ANK3: variants seen among roughly 807,000 people sequenced by gnomAD.
ANK3 encodes ankyrin-3.
Under a neutral mutation model 370.9 loss-of-function variants are expected in ANK3, and 57 were observed. The ratio of observed to expected loss-of-function variants is 0.15; its 90% CI spans 0.12 to 0.19. The LOEUF (loss-of-function observed/expected upper bound fraction) is 0.19, where lower values mean the gene tolerates loss of function less well. Among genes scored for constraint, ANK3 ranks in the 10% least tolerant of loss-of-function variants. The probability of loss-of-function intolerance (pLI) is 1.00; values close to 1 mark genes in which losing one functional copy is unlikely to be tolerated. For missense variants in ANK3, 4,439 were observed against 5,302.1 expected (o/e 0.84, Z 5.06); for synonymous variants, 1,929 against 1,946.3 (o/e 0.99, Z 0.23).
intron 42 of ANK3, among the ~76,000 whole-genome samples, chr10:60,045,082 AT>A (rs2076725181): frequency 6.6e-6 from 1 of 152,166 alleles, no homozygotes; most frequent in African/African-American, 2.4e-5. Flanking sequence ...TTGTTTCGTA[AT>A]AAAAAAAAAT....
chr10:60,604,999 C>T (rs775895221), intron 2 of ANK3, among the ~76,000 whole-genome samples: 1 of 152,158 alleles, frequency 6.6e-6, no homozygotes, highest in Non-Finnish European at 1.5e-5. Flanking sequence ...TTAAGTTTTG[C>T]TGCCTTAAAT....
chr10:60,395,589 T>C lies in ANK3; in HGVS notation c.97-115950A>G, dbSNP rs192698447. Among the ~76,000 whole-genome samples the C allele has an allele frequency of 2.0e-4, 25 of 126,278 alleles. No individual in the cohort carries two copies. The East Asian group carries it at 5.1e-3, about 26-fold the overall frequency. 82.8% of individuals were successfully genotyped at this position (126,278 alleles called of 152,430 possible). A position where few individuals can be genotyped will look rare whatever the true frequency, so the allele number is the denominator to read the frequency against. On this transcript the variant is annotated intron_variant, in intron 2 of 43. Coordinates refer to the ANK3 transcript ENST00000373827. ...CTTTCTTTCTTTCTTTCTTTCTTTC[T>C]TTCTTTCTTTCTTTCTTTCTCTCTT...
At chr10:60,528,324 C>T (rs545758260) in intron 2 of ANK3, among the ~76,000 whole-genome samples, 12 of 151,780 alleles carry the variant, frequency 7.9e-5, no homozygotes, top group East Asian at 2.0e-4. Flanking sequence ...TTAGTAGAGA[C>T]GGTGTTTCTC....
intron 2 of ANK3, among the ~76,000 whole-genome samples, chr10:60,405,170 T>C (rs949797080): frequency 6.6e-6 from 1 of 152,084 alleles, no homozygotes; most frequent in Non-Finnish European, 1.5e-5. Flanking sequence ...CAATTCCACA[T>C]CTAGATGTTT....
chr10:60,069,585 T>C lies in ANK3; in HGVS notation c.11296A>G (p.Thr3766Ala), dbSNP rs774953499. The change falls in exon 37 of 44, where the codon ACA (threonine) becomes GCA (alanine). Residue 3766 changes from threonine (T) to alanine (A), a missense_variant. This residue lies in a region of ANK3 where 496 missense variants were observed against 529.3 expected (regional missense o/e 0.94). Coordinates refer to ENST00000280772, the MANE Select transcript of ANK3 (RefSeq NM_020987.5). ...CTAACGCCCATCTGGCTATTGGCTGTATTTGAAATCATTGTTATAGTTTCA... is the reference window on the plus strand; with the variant it reads ...CTAACGCCCATCTGGCTATTGGCTGCATTTGAAATCATTGTTATAGTTTCA... Reference protein sequence around the residue: ...ENETITMISNTANSQMGVRPH... With the variant: ...ENETITMISNAANSQMGVRPH... 1.2e-6 allele frequency: 2 copies of C among 1,613,508 alleles called. No homozygotes were observed. The highest frequency in any genetic ancestry group is 1.7e-6 in the Non-Finnish European group (2 of 1,179,946).
At chr10:60,220,456 G>C (rs1040858146) in intron 8 of ANK3, among the ~76,000 whole-genome samples, 1 of 152,110 alleles carries the variant, frequency 6.6e-6, no homozygotes, top group Non-Finnish European at 1.5e-5. Flanking sequence ...TGATAGAACA[G>C]ACTCTTTAAA....
At chr10:60,391,893 GC>G (rs1434207587), upstream of ANK3, among the ~76,000 whole-genome samples, 2 of 152,040 alleles carry the variant, frequency 1.3e-5, no homozygotes, top group Non-Finnish European at 2.9e-5. Flanking sequence ...CTTTTTTGTT[GC>G]CTTGGATTTT....
Position 60,131,783 on chromosome 10 carries a change from A to G in ANK3, c.2841+2488T>C, listed in dbSNP as rs912830389. On this transcript the variant is annotated intron_variant, in intron 25 of 43. Transcript: ENST00000280772. ...CTATGGTGGTAATAGTGGTGGTGGTAGCAGTGGTGGAGGTGACAGTGATGA... is the reference window on the plus strand; with the variant it reads ...CTATGGTGGTAATAGTGGTGGTGGTGGCAGTGGTGGAGGTGACAGTGATGA... Among the ~76,000 whole-genome samples the G allele has an allele frequency of 1.5e-4, 23 of 152,276 alleles. No individual in the cohort carries two copies. In the East Asian group the frequency reaches 4.1e-3, roughly 27 times the overall value.
intron 12 of ANK3, among the ~76,000 whole-genome samples, chr10:60,201,971 T>C (rs2096684898): frequency 6.6e-6 from 1 of 152,048 alleles, no homozygotes; most frequent in Non-Finnish European, 1.5e-5. Flanking sequence ...CATCTCGGCC[T>C]CCCAAAGTGC....
At chr10:60,254,152 CAATAT>C (rs2097704541) in intron 7 of ANK3, among the ~76,000 whole-genome samples, 1 of 151,924 alleles carries the variant, frequency 6.6e-6, no homozygotes, top group Non-Finnish European at 1.5e-5. Flanking sequence ...ATGACTAATA[CAATAT>C]AAAAGTCATG....
intron 25 of ANK3, among the ~76,000 whole-genome samples, chr10:60,127,868 T>TC (rs1224839762): frequency 6.6e-6 from 1 of 151,930 alleles, no homozygotes; most frequent in Non-Finnish European, 1.5e-5. Flanking sequence ...CGGCTAATTT[T>TC]TTGTAGTTTT....
intron 23 of ANK3, among the ~76,000 whole-genome samples, chr10:60,151,846 G>T (rs1030647119): frequency 7.2e-5 from 11 of 152,174 alleles, no homozygotes; most frequent in Non-Finnish European, 1.6e-4. Context: ...CACTGATGTT[G>T]TGTGACCTTA....
At chr10:60,125,370 C>T (rs1449083866) in intron 25 of ANK3, among the ~76,000 whole-genome samples, 1 of 152,174 alleles carries the variant, frequency 6.6e-6, no homozygotes, top group Non-Finnish European at 1.5e-5. Flanking sequence ...TCAAAACTAA[C>T]TGCACTACCT....
intron 1 of ANK3, among the ~76,000 whole-genome samples, chr10:60,291,106 A>C (rs76470653): frequency 0.03 from 4,597 of 152,190 alleles, 242 homozygotes; most frequent in African/African-American, 0.11. Flanking sequence ...AAATTTTCCC[A>C]TGGGAGGAAA....
At chr10:60,522,790 A>T (rs192572234) in intron 2 of ANK3, among the ~76,000 whole-genome samples, 24 of 152,180 alleles carry the variant, frequency 1.6e-4, no homozygotes, top group Admixed American at 1.4e-3. Context: ...TGAATATGAA[A>T]CAGACATGTT....
intron 42 of ANK3, among the ~76,000 whole-genome samples, chr10:60,051,309 G>C (rs942352275): frequency 6.6e-6 from 1 of 151,892 alleles, no homozygotes; most frequent in Non-Finnish European, 1.5e-5. Flanking sequence ...TTTTCTTTTT[G>C]GTTGTTGTTT....
rs2062924417 is a variant in ANK3 at position 60,389,638 on chromosome 10, T to C, written c.-100A>G. ...AGGCTTACAGCAGCATTCCAATCAC[T>C]AGAGAGAAAGCTTTGACTAGAAGCA... On this transcript the variant is annotated 5_prime_UTR_variant, in exon 1 of 44. Transcript: ENST00000280772. The C allele has an allele frequency of 1.3e-6, 2 of 1,531,774 alleles. No homozygotes were observed. Among genetic ancestry groups the C allele is most frequent in the Non-Finnish European group, 8.7e-7 (1 of 1,145,582 alleles). 94.9% of individuals were successfully genotyped at this position (1,531,774 alleles called of 1,614,324 possible). A position where few individuals can be genotyped will look rare whatever the true frequency, so the allele number is the denominator to read the frequency against.
chr10:60,048,702 G>A (rs998849075), intron 42 of ANK3, among the ~76,000 whole-genome samples: 3 of 152,156 alleles, frequency 2.0e-5, no homozygotes, highest in Admixed American at 1.3e-4. Flanking sequence ...TCTCAAGGTT[G>A]GTTGAGTTTG....
chr10:60,420,087 A>G (rs1446885103), intron 2 of ANK3, among the ~76,000 whole-genome samples: 4 of 152,072 alleles, frequency 2.6e-5, no homozygotes, highest in African/African-American at 7.2e-5. Flanking sequence ...GCTACTCCCA[A>G]TGGCAGGCAG....
Sources: gnomAD v4.1 joint callset for allele counts (sites outside exome capture counted in the v4.1 genomes callset) on GRCh38, gnomAD v4.1.1 for gene constraint, gnomAD v4.1.1 regional missense constraint, MANE v1.5 for transcripts, NCBI Gene and HGNC (gene_info 2026-07-23, HGNC 2026-07-21) for gene names.